E2F3: variants seen among roughly 807,000 people sequenced by gnomAD.
The protein encoded by E2F3 is E2F transcription factor 3.
E2F3 carries 11 observed loss-of-function variants against 44.4 expected under a neutral mutation model. The observed-to-expected ratio is 0.25, with a 90% CI of 0.16 to 0.41. E2F3 has a LOEUF of 0.41. E2F3 is among the 10% of genes least tolerant of loss of function. E2F3 has a pLI of 1.00. For synonymous variants in E2F3, 249 were observed against 253.0 expected (o/e 0.98, Z 0.15); for missense variants, 487 against 583.6 (o/e 0.83, Z 1.70).
chr6:20,481,051 A>G (rs1488177918), intron 2 of E2F3, among the ~76,000 whole-genome samples, 155 bp from the exon 3 acceptor site: 1 of 152,194 alleles, frequency 6.6e-6, no homozygotes, highest in Non-Finnish European at 1.5e-5. Context: ...ATAGCTTTCT[A>G]TGACTTGCCA....
chr6:20,403,044 G>C (rs1006175774), intron 1 of E2F3, among the ~76,000 whole-genome samples: 6 of 152,164 alleles, frequency 3.9e-5, no homozygotes, highest in Middle Eastern at 6.8e-3. Flanking sequence ...GGGCTCTGAG[G>C]GGTTGAAACC....
intron 1 of E2F3, among the ~76,000 whole-genome samples, chr6:20,459,514 C>T (rs1342108350): frequency 2.0e-5 from 3 of 152,062 alleles, no homozygotes; most frequent in Non-Finnish European, 2.9e-5. Flanking sequence ...ATTGATGTCA[C>T]CGTTTACATT....
At chr6:20,462,671 T>A (rs1233041014) in intron 1 of E2F3, among the ~76,000 whole-genome samples, 2 of 151,900 alleles carry the variant, frequency 1.3e-5, no homozygotes, top group African/African-American at 4.8e-5. Context: ...TTGGTGAGGC[T>A]GGTCTTGAAC....
At chr6:20,466,240 G>C (rs1237790330) in intron 1 of E2F3, among the ~76,000 whole-genome samples, 1 of 152,060 alleles carries the variant, frequency 6.6e-6, no homozygotes, top group Non-Finnish European at 1.5e-5. Flanking sequence ...AGCCTCCTGA[G>C]TAGCTGGGAC....
chr6:20,470,788 C>T (rs1162728126), intron 1 of E2F3, among the ~76,000 whole-genome samples: 1 of 152,162 alleles, frequency 6.6e-6, no homozygotes, highest in Non-Finnish European at 1.5e-5. Context: ...TTTAATTTTT[C>T]CTGTGGCTCA....
chr6:20,490,194 A>G lies in E2F3; in HGVS notation c.1162A>G (p.Ser388Gly), dbSNP rs1468005623. ...CTTGGCTTCAACCAACTCAGGACAT[A>G]GCGATTGCTCAGTTTCTATGGGAAA... is the stretch of plus-strand genomic sequence containing the variant. Reference protein sequence around the residue: ...KDLASTNSGHSDCSVSMGNLS... With the variant: ...KDLASTNSGHGDCSVSMGNLS... Residue 388 changes from serine to glycine, a missense_variant, in exon 7 of 7, where the codon AGC (serine) becomes GGC (glycine). This residue lies in a region of E2F3 where 220 missense variants were observed against 261.7 expected (regional missense o/e 0.84). Transcript: ENST00000346618. This position sits in a 1 kb window ranked among gnomAD's most constrained non-coding sequence, Gnocchi z 4.3. 1 of 1,613,306 alleles carries G rather than the reference A, an allele frequency of 6.2e-7. No individual in the cohort carries two copies. Among genetic ancestry groups the G allele is most frequent in the Non-Finnish European group, 8.5e-7 (1 of 1,179,732 alleles).
Position 20,456,967 on chromosome 6 carries a change from A to G in E2F3, c.394-22879A>G, listed in dbSNP as rs138704471. Among the ~76,000 whole-genome samples the G allele has an allele frequency of 3.7e-4, 56 of 152,204 alleles. 1 individual carries two copies. The East Asian group carries it at 0.01, about 28-fold the overall frequency. On this transcript the variant is annotated intron_variant, in intron 1 of 6. Coordinates refer to ENST00000346618, the MANE Select transcript of E2F3 (RefSeq NM_001949.5). ...AAAGCAATGCATTTCAGGTTTATGA[A>G]CTCACTTTGCCCACAGGTGAGGTTT...
rs1759323289 is a variant in E2F3 at position 20,402,132 on chromosome 6, G to A, written c.-101G>A. Reference sequence around the variant, plus strand: ...GGGCTCGGAAGCGCCGGGCGGGGAGGAGAGAAGGAGGAGAGACTTGGAAAC... The same window carrying A: ...GGGCTCGGAAGCGCCGGGCGGGGAGAAGAGAAGGAGGAGAGACTTGGAAAC... On this transcript the variant is annotated 5_prime_UTR_variant, in exon 1 of 7. Transcript: ENST00000346618. The surrounding 1 kb of genome is among the most constrained non-coding windows in gnomAD (Gnocchi z 5.6). The A allele has an allele frequency of 6.9e-7, 1 of 1,439,188 alleles. No individual in the cohort carries two copies. Among genetic ancestry groups the A allele is most frequent in the African/African-American group, 1.5e-5 (1 of 67,538 alleles). 89.2% of individuals were successfully genotyped at this position (1,439,188 alleles called of 1,614,324 possible). A position where few individuals can be genotyped will look rare whatever the true frequency, so the allele number is the denominator to read the frequency against.
At chr6:20,429,270 T>C (rs1395389223) in intron 1 of E2F3, among the ~76,000 whole-genome samples, 2 of 152,228 alleles carry the variant, frequency 1.3e-5, no homozygotes, top group African/African-American at 4.8e-5. Context: ...GTCCCCCTTA[T>C]CCACGGTGTT....
At position 20,488,144 on chromosome 6, in the gene E2F3, G is replaced by A. The variant is rs1762449767; in HGVS notation, c.1031G>A (p.Gly344Glu). Residue 344 changes from glycine to glutamate, a missense_variant, in exon 6 of 7, where the codon GGG becomes GAG. Transcript: ENST00000346618. ...CAAATACATTTGGCAAGTACCCAAG[G>A]GCCCATTGAGGTTTACTTATGTCCA... ...SLQIHLASTQ[G>E]PIEVYLCPEE... 3.7e-6 allele frequency: 6 copies of A among 1,614,068 alleles called. No homozygotes were observed. Among genetic ancestry groups the A allele is most frequent in the Non-Finnish European group, 5.1e-6 (6 of 1,180,014 alleles).
At chr6:20,436,759 A>G (rs547208223) in intron 1 of E2F3, among the ~76,000 whole-genome samples, 169 of 152,352 alleles carry the variant, frequency 1.1e-3, no homozygotes, top group Non-Finnish European at 1.3e-3. Context: ...ATAAGGTTCT[A>G]ATATGGACTT....
intron 1 of E2F3, among the ~76,000 whole-genome samples, chr6:20,471,233 C>T (rs1022394225): frequency 2.0e-5 from 3 of 152,048 alleles, no homozygotes; most frequent in Non-Finnish European, 4.4e-5. Context: ...CATAACATTT[C>T]AAGATATAAA....
chr6:20,446,644 C>A (rs953809392), intron 1 of E2F3, among the ~76,000 whole-genome samples: 2 of 152,222 alleles, frequency 1.3e-5, no homozygotes, highest in East Asian at 3.8e-4. Context: ...TGGCTCCCTG[C>A]AACCTCTGCC....
intron 1 of E2F3, among the ~76,000 whole-genome samples, chr6:20,454,086 A>G (rs1388897670): frequency 6.6e-6 from 1 of 152,242 alleles, no homozygotes; most frequent in Non-Finnish European, 1.5e-5. Flanking sequence ...TCTTTATCAC[A>G]AAGCCTGAAG....
chr6:20,404,345 C>T (rs1184995341), intron 1 of E2F3, among the ~76,000 whole-genome samples: 1 of 152,178 alleles, frequency 6.6e-6, no homozygotes, highest in East Asian at 1.9e-4. Context: ...CGGAGGTCTC[C>T]CCTTTCTCCT....
intron 1 of E2F3, among the ~76,000 whole-genome samples, chr6:20,446,839 T>A (rs2127598664): frequency 6.6e-6 from 1 of 152,300 alleles, no homozygotes; most frequent in South Asian, 2.1e-4. Context: ...AGTGCCAGGA[T>A]TACAGGAGTG....
intron 1 of E2F3, among the ~76,000 whole-genome samples, chr6:20,461,282 A>G (rs781404040): frequency 3.3e-5 from 5 of 152,260 alleles, no homozygotes; most frequent in Non-Finnish European, 7.4e-5. Context: ...TCACAAGGTC[A>G]GGAGATCGAG....
chr6:20,462,949 G>T (rs115229266), intron 1 of E2F3, among the ~76,000 whole-genome samples: 7,278 of 119,736 alleles, frequency 0.061, 635 homozygotes, highest in African/African-American at 0.21. Flanking sequence ...CTGAGCTCAA[G>T]CAATCCTTCC....
intron 1 of E2F3, among the ~76,000 whole-genome samples, chr6:20,459,454 A>C (rs1192204729): frequency 6.6e-6 from 1 of 152,240 alleles, no homozygotes; most frequent in African/African-American, 2.4e-5. Context: ...TCCCGTTACC[A>C]CTATATTATG....
Sources: allele counts gnomAD v4.1 joint callset (sites outside exome capture counted in the v4.1 genomes callset), GRCh38; gene constraint gnomAD v4.1.1; regional missense constraint gnomAD v4.1.1; non-coding constraint Gnocchi (gnomAD v3.1); transcripts MANE v1.5; gene names NCBI Gene and HGNC (gene_info 2026-07-23, HGNC 2026-07-21).